Variants in OPCML observed in about 807,000 individuals in gnomAD.
OPCML encodes the protein opioid-binding protein/cell adhesion molecule.
OPCML carries 13 observed loss-of-function variants against 37.8 expected under a neutral mutation model. The ratio of observed to expected loss-of-function variants is 0.34; its 90% CI spans 0.22 to 0.55. OPCML has a LOEUF of 0.55. Ranked by LOEUF, OPCML falls within the 20% of genes least tolerant of loss-of-function variation. The pLI, the probability that OPCML is intolerant of heterozygous loss-of-function variation, is 0.91. For synonymous variants in OPCML, 176 were observed against 168.8 expected (o/e 1.04, Z -0.33); for missense variants, 341 against 435.6 (o/e 0.78, Z 1.93).
At chr11:133,347,337 C>T (rs1461763216) in intron 1 of OPCML, among the ~76,000 whole-genome samples, 10 of 152,106 alleles carry the variant, frequency 6.6e-5, no homozygotes, top group African/African-American at 1.2e-4. Flanking sequence ...CCCTGACATG[C>T]GAGAATTAGA....
At chr11:133,347,696 A>G (rs1169938316) in intron 1 of OPCML, among the ~76,000 whole-genome samples, 1 of 152,252 alleles carries the variant, frequency 6.6e-6, no homozygotes, top group African/African-American at 2.4e-5. Flanking sequence ...TTTCTAAATA[A>G]GTGGAGGAAT....
intron 3 of OPCML, among the ~76,000 whole-genome samples, chr11:132,533,878 G>C (rs972792759): frequency 2.0e-5 from 3 of 152,116 alleles, no homozygotes; most frequent in Non-Finnish European, 4.4e-5. Flanking sequence ...AGACAATCTT[G>C]TTTATGCCTT....
chr11:132,553,615 T>A (rs1565659543), intron 3 of OPCML, among the ~76,000 whole-genome samples: 1 of 152,210 alleles, frequency 6.6e-6, no homozygotes, highest in Non-Finnish European at 1.5e-5. Context: ...TAATCAGGTA[T>A]TCTAGGCAGA....
intron 1 of OPCML, among the ~76,000 whole-genome samples, chr11:133,228,243 C>A (rs1940125320): frequency 6.6e-6 from 1 of 152,152 alleles, no homozygotes; most frequent in Non-Finnish European, 1.5e-5. Context: ...TCCCTTCACC[C>A]GCTCAGCTGT....
At chr11:133,136,268 A>G (rs938051704) in intron 1 of OPCML, among the ~76,000 whole-genome samples, 1 of 152,184 alleles carries the variant, frequency 6.6e-6, no homozygotes, top group Admixed American at 6.5e-5. Context: ...AAATACAGCA[A>G]TGGAAGAGTG....
At chr11:133,053,721 G>A (rs185203025) in intron 1 of OPCML, among the ~76,000 whole-genome samples, 309 of 152,212 alleles carry the variant, frequency 2.0e-3, no homozygotes, top group Non-Finnish European at 3.6e-3. Flanking sequence ...GTCTTGGCTG[G>A]TTGTTCCTCC....
At chr11:132,843,095 T>TC (rs1202455995) in intron 2 of OPCML, among the ~76,000 whole-genome samples, 4 of 149,322 alleles carry the variant, frequency 2.7e-5, no homozygotes, top group Admixed American at 1.3e-4. Flanking sequence ...TTTCTTTCTT[T>TC]TTTTTTTTTT....
At chr11:133,197,728 C>G (rs930800292) in intron 1 of OPCML, among the ~76,000 whole-genome samples, 2 of 152,208 alleles carry the variant, frequency 1.3e-5, no homozygotes, top group Admixed American at 1.3e-4. Context: ...AGCTTGAGAT[C>G]CAGCAAGTCT....
intron 1 of OPCML, among the ~76,000 whole-genome samples, chr11:133,112,313 G>GAAAAAAAAAAAAAAAAAAA (rs1565453484): frequency 1.5e-5 from 1 of 66,436 alleles, no homozygotes; most frequent in Non-Finnish European, 3.2e-5. Flanking sequence ...AAAAAAAAGG[G>GAAAAAAAAAAAAAAAAAAA]GAAAGAAACA....
intron 4 of OPCML, among the ~76,000 whole-genome samples, chr11:132,471,751 C>G (rs1297359528): frequency 1.3e-5 from 2 of 152,192 alleles, no homozygotes; most frequent in Non-Finnish European, 2.9e-5. Flanking sequence ...ACCACACCCA[C>G]TCTTTATTGA....
intron 2 of OPCML, among the ~76,000 whole-genome samples, chr11:132,844,137 C>T (rs1462519794): frequency 2.6e-5 from 4 of 152,204 alleles, no homozygotes; most frequent in Non-Finnish European, 4.4e-5. Flanking sequence ...CTTGCTCCTC[C>T]TTGCCTTCTG....
intron 1 of OPCML, chr11:133,005,467 T>A: frequency 1.0e-6 from 1 of 985,396 alleles, no homozygotes; most frequent in African/African-American, 1.7e-5. Context: ...TAGGTACTAG[T>A]TTTTCTCTGT....
intron 1 of OPCML, among the ~76,000 whole-genome samples, chr11:132,971,772 T>C (rs2136756971): frequency 6.6e-6 from 1 of 152,210 alleles, no homozygotes; most frequent in East Asian, 1.9e-4. Flanking sequence ...TTCTTTACTC[T>C]CTTTCCCTCC....
At chr11:133,497,601 C>G (rs1947812962) in intron 1 of OPCML, among the ~76,000 whole-genome samples, 2 of 152,042 alleles carry the variant, frequency 1.3e-5, no homozygotes, top group South Asian at 4.1e-4. Flanking sequence ...GGTCACGTCG[C>G]TCTTGTTAAC....
At chr11:132,500,084 A>G (rs1384726163) in intron 4 of OPCML, among the ~76,000 whole-genome samples, 1 of 152,208 alleles carries the variant, frequency 6.6e-6, no homozygotes, top group Admixed American at 6.5e-5. Context: ...CACTGATGTT[A>G]AAGTAAGTCT....
At chr11:132,444,112 A>C (rs1300813912) in intron 4 of OPCML, among the ~76,000 whole-genome samples, 1 of 152,180 alleles carries the variant, frequency 6.6e-6, no homozygotes, top group African/African-American at 2.4e-5. Context: ...CGCCAGACCC[A>C]GGTATCAGGC....
At position 132,943,851 on chromosome 11, in the gene OPCML, A is replaced by G. The variant is rs900586582; in HGVS notation, c.62-841T>C. 6.6e-6 allele frequency: 1 copy of G among 150,780 alleles called. No homozygotes were observed. The highest frequency in any genetic ancestry group is 2.4e-5 in the African/African-American group (1 of 41,260). 9.3% of individuals were successfully genotyped at this position (150,780 alleles called of 1,614,324 possible). A position where few individuals can be genotyped will look rare whatever the true frequency, so the allele number is the denominator to read the frequency against. On this transcript the variant is annotated intron_variant, in intron 1 of 7. Coordinates refer to ENST00000524381, the MANE Select transcript of OPCML (RefSeq NM_001012393.5). The surrounding 1 kb of genome is among the most constrained non-coding windows in gnomAD (Gnocchi z 4.3). The stretch of plus-strand genomic sequence containing the variant: ...CGGCACGAGACGCGGGGACGCGCGG[A>G]CGCCACGCTCAGCGGCCGCCCCCGG...
chr11:133,392,902 T>C (rs1945202888), intron 1 of OPCML, among the ~76,000 whole-genome samples: 1 of 152,210 alleles, frequency 6.6e-6, no homozygotes, highest in Non-Finnish European at 1.5e-5. Flanking sequence ...TTAGAGGTAA[T>C]TCAAGGATAT....
intron 3 of OPCML, among the ~76,000 whole-genome samples, chr11:132,545,383 A>G (rs893920845): frequency 7.2e-5 from 11 of 152,196 alleles, no homozygotes; most frequent in Admixed American, 3.3e-4. Flanking sequence ...TTATTTTTGC[A>G]TAGCGAAATA....
Sources: gnomAD v4.1 joint callset for allele counts (sites outside exome capture counted in the v4.1 genomes callset) on GRCh38, gnomAD v4.1.1 for gene constraint, Gnocchi (gnomAD v3.1) non-coding constraint, MANE v1.5 for transcripts, NCBI Gene and HGNC (gene_info 2026-07-23, HGNC 2026-07-21) for gene names.